Variants in ARHGAP32 observed in about 807,000 individuals in gnomAD.
ARHGAP32 encodes Rho GTPase activating protein 32, also known as rho GTPase-activating protein 32.
Under a neutral mutation model 186.5 loss-of-function variants are expected in ARHGAP32, and 51 were observed. That is an observed-to-expected ratio of 0.27 (90% CI 0.22 to 0.35). The LOEUF (loss-of-function observed/expected upper bound fraction) is 0.35, where lower values mean the gene tolerates loss of function less well. Among genes scored for constraint, ARHGAP32 ranks in the 10% least tolerant of loss-of-function variants. The pLI is 1.00. For synonymous variants in ARHGAP32, 950 were observed against 964.3 expected, an observed-to-expected ratio of 0.99 and a Z score of 0.27; for missense variants, 2,186 against 2,623.5, an observed-to-expected ratio of 0.83 and a Z score of 3.64.
At chr11:129,276,955 AT>A (rs1184314019) in intron 1 of ARHGAP32, among the ~76,000 whole-genome samples, 1 of 152,254 alleles carries the variant, frequency 6.6e-6, no homozygotes, top group African/African-American at 2.4e-5. Flanking sequence ...TTCCATGGAC[AT>A]TGGACTTCAC....
At chr11:129,276,153 C>T (rs1158615997) in intron 1 of ARHGAP32, among the ~76,000 whole-genome samples, 2 of 152,176 alleles carry the variant, frequency 1.3e-5, no homozygotes, top group African/African-American at 4.8e-5. Flanking sequence ...CTCACAGTCT[C>T]AATAAATTTG....
At chr11:129,235,769 T>G (rs1047339547) in intron 1 of ARHGAP32, among the ~76,000 whole-genome samples, 3 of 152,104 alleles carry the variant, frequency 2.0e-5, no homozygotes, top group African/African-American at 7.2e-5. Context: ...TGCCTTTACA[T>G]CCTCATAGCT....
At chr11:129,076,430 T>C (rs1941046614) in intron 6 of ARHGAP32, among the ~76,000 whole-genome samples, 1 of 152,160 alleles carries the variant, frequency 6.6e-6, no homozygotes, top group South Asian at 2.1e-4. Context: ...TCAGGACCTC[T>C]TTTCAGTAAT....
At chr11:129,103,846 A>C (rs1941974328) in intron 5 of ARHGAP32, among the ~76,000 whole-genome samples, 1 of 152,104 alleles carries the variant, frequency 6.6e-6, no homozygotes, top group Non-Finnish European at 1.5e-5. Flanking sequence ...AATAATCTGA[A>C]AGAATCTGTC....
chr11:129,042,851 T>A (rs1292622286), intron 10 of ARHGAP32, among the ~76,000 whole-genome samples: 1 of 152,282 alleles, frequency 6.6e-6, no homozygotes, highest in East Asian at 1.9e-4. Context: ...CTGGAGACTC[T>A]CATGAAGAGG....
intron 2 of ARHGAP32, among the ~76,000 whole-genome samples, chr11:129,155,296 T>C (rs549049849): frequency 3.9e-5 from 6 of 152,280 alleles, no homozygotes; most frequent in Admixed American, 2.6e-4. Flanking sequence ...TACCAATACA[T>C]ATACATAGGA....
chr11:129,270,003 C>G (rs1292130288), intron 1 of ARHGAP32, among the ~76,000 whole-genome samples: 2 of 151,668 alleles, frequency 1.3e-5, no homozygotes, highest in Non-Finnish European at 2.9e-5. Context: ...ATCCCGCAAT[C>G]GCATGCTTAG....
chr11:129,105,356 C>A (rs1159137973), intron 5 of ARHGAP32, among the ~76,000 whole-genome samples: 5 of 152,118 alleles, frequency 3.3e-5, no homozygotes, highest in African/African-American at 1.2e-4. Context: ...TCCAGCTGAC[C>A]TCTAGGATAA....
intron 6 of ARHGAP32, among the ~76,000 whole-genome samples, chr11:129,068,748 T>G (rs1940778589): frequency 6.6e-6 from 1 of 152,114 alleles, no homozygotes; most frequent in Non-Finnish European, 1.5e-5. Context: ...CAATGACTTT[T>G]ATGTATTGAC....
At chr11:129,103,965 T>C (rs1348531568) in intron 5 of ARHGAP32, among the ~76,000 whole-genome samples, 2 of 152,014 alleles carry the variant, frequency 1.3e-5, no homozygotes, top group Admixed American at 6.6e-5. Flanking sequence ...GTTCCAGAAA[T>C]AGGAAATATC....
intron 5 of ARHGAP32, among the ~76,000 whole-genome samples, chr11:129,111,706 T>G (rs559819967): frequency 6.6e-6 from 1 of 152,256 alleles, no homozygotes; most frequent in Non-Finnish European, 1.5e-5. Context: ...GACAGTCTCA[T>G]GACCTTTTGT....
chr11:129,193,156 A>C (rs1944299465), upstream of ARHGAP32, among the ~76,000 whole-genome samples: 1 of 151,926 alleles, frequency 6.6e-6, no homozygotes, highest in Non-Finnish European at 1.5e-5. Context: ...CATCTACTGA[A>C]GTCTTCTTGA....
intron 11 of ARHGAP32, among the ~76,000 whole-genome samples, chr11:129,021,024 C>A (rs1189499593): frequency 6.6e-6 from 1 of 151,964 alleles, no homozygotes; most frequent in Non-Finnish European, 1.5e-5. Context: ...AGGAATAAAA[C>A]CAAGTATCTC....
intron 11 of ARHGAP32, among the ~76,000 whole-genome samples, chr11:129,001,304 G>C (rs767319903): frequency 2.0e-5 from 3 of 152,078 alleles, no homozygotes; most frequent in Non-Finnish European, 4.4e-5. Flanking sequence ...TTGGATAAAA[G>C]CCATTTTAAC....
At chr11:129,017,349 C>G (rs1205552202) in intron 11 of ARHGAP32, among the ~76,000 whole-genome samples, 1 of 149,444 alleles carries the variant, frequency 6.7e-6, no homozygotes, top group Non-Finnish European at 1.5e-5. Context: ...AGCTACTCAG[C>G]AGGCAGGAGA....
intron 2 of ARHGAP32, among the ~76,000 whole-genome samples, chr11:129,152,284 A>T (rs1943304204): frequency 6.6e-6 from 1 of 152,214 alleles, no homozygotes; most frequent in South Asian, 2.1e-4. Context: ...AGATGTTTTC[A>T]CAGCTGAATT....
chr11:129,073,787 A>C (rs1484031181), intron 6 of ARHGAP32, among the ~76,000 whole-genome samples: 1 of 152,014 alleles, frequency 6.6e-6, no homozygotes, highest in East Asian at 1.9e-4. Context: ...AACAACAAAA[A>C]AAAACCTTCA....
intron 20 of ARHGAP32, among the ~76,000 whole-genome samples, chr11:128,975,622 C>T (rs1565350727): frequency 1.3e-5 from 2 of 151,990 alleles, no homozygotes; most frequent in African/African-American, 4.8e-5. Context: ...TCAAGAGTGG[C>T]AGAGAGTATT....
intron 6 of ARHGAP32, among the ~76,000 whole-genome samples, chr11:129,088,866 T>A (rs1352223757): frequency 1.3e-5 from 2 of 151,832 alleles, no homozygotes; most frequent in Non-Finnish European, 2.9e-5. Flanking sequence ...CAGCAAAACC[T>A]TGTCTCTACA....
Sources: gnomAD v4.1 joint callset for allele counts (sites outside exome capture counted in the v4.1 genomes callset) on GRCh38, gnomAD v4.1.1 for gene constraint, MANE v1.5 for transcripts, NCBI Gene and HGNC (gene_info 2026-07-23, HGNC 2026-07-21) for gene names.